Variants in HDAC3 observed in about 807,000 individuals in gnomAD.
The protein encoded by HDAC3 is histone deacetylase 3.
Under a neutral mutation model 62.3 loss-of-function variants are expected in HDAC3, and 21 were observed. That is an observed-to-expected ratio of 0.34 (90% confidence interval 0.24 to 0.49). HDAC3 has a LOEUF of 0.49. Among genes scored for constraint, HDAC3 ranks in the 20% least tolerant of loss-of-function variants. The probability of loss-of-function intolerance (pLI) is 0.99; values close to 1 mark genes in which losing one functional copy is unlikely to be tolerated. For missense variants in HDAC3, 270 were observed against 556.9 expected (o/e 0.48, Z 5.19); for synonymous variants, 198 against 206.5 (o/e 0.96, Z 0.35).
Position 141,626,345 on chromosome 5 carries a change from T to A in HDAC3, c.831-62A>T. 19 of 1,218,732 alleles carry A rather than the reference T, an allele frequency of 1.6e-5. No individual in the cohort carries two copies. The highest frequency in any genetic ancestry group is 2.2e-5 in the Non-Finnish European group (18 of 827,136). 75.5% of individuals were successfully genotyped at this position (1,218,732 alleles called of 1,614,324 possible). On this transcript the variant is annotated intron_variant, in intron 10 of 14. Transcript: ENST00000305264. The surrounding 1 kb of genome is among the most constrained non-coding windows in gnomAD (Gnocchi z 4.6). Reference sequence around the variant, plus strand: ...TATCAAAAGACAAGGTAAATACCTTTAGGTATTGCCTGAAAGGAGCACAAG... The same window carrying A: ...TATCAAAAGACAAGGTAAATACCTTAAGGTATTGCCTGAAAGGAGCACAAG...
intron 14 of HDAC3, among the ~76,000 whole-genome samples, chr5:141,623,633 A>T (rs1442264339): frequency 4.6e-5 from 7 of 152,194 alleles, no homozygotes; most frequent in Non-Finnish European, 7.3e-5. Flanking sequence ...CTCAGAAGGG[A>T]TCGGGGGATA....
chr5:141,622,984 C>A (rs1010886490), intron 14 of HDAC3, among the ~76,000 whole-genome samples: 1 of 151,748 alleles, frequency 6.6e-6, no homozygotes, highest in African/African-American at 2.4e-5. Flanking sequence ...ATTAGCCAGG[C>A]GTGGAGGCTC....
Position 141,626,600 on chromosome 5 carries a change from G to A in HDAC3, c.831-317C>T, listed in dbSNP as rs191979249. On this transcript the variant is annotated intron_variant, in intron 10 of 14. Transcript: ENST00000305264. The surrounding 1 kb of genome is among the most constrained non-coding windows in gnomAD (Gnocchi z 4.6). ...CTTGAAAATATAACTCACGCCCGGC[G>A]CGGTGCTCACGCCTTTGTAGTAGTC... is the stretch of plus-strand genomic sequence containing the variant. 25 of 347,938 alleles carry A rather than the reference G, an allele frequency of 7.2e-5. No homozygotes were observed. Among genetic ancestry groups the A allele is most frequent in the Admixed American group, 2.0e-4 (5 of 25,502 alleles). The allele number at this position is 347,938 out of a possible 1,614,324, so 21.6% of individuals were successfully genotyped here.
intron 2 of HDAC3, 34 bp from the exon 3 acceptor site, chr5:141,634,987 G>C: frequency 6.2e-7 from 1 of 1,608,536 alleles, no homozygotes; most frequent in South Asian, 1.1e-5. Flanking sequence ...ACCCAGGCAG[G>C]GTCAGCCCCA....
In HDAC3 at chr5:141,632,810, A is replaced by G. The variant is rs549989550; in HGVS notation, c.281+2001T>C. Among the ~76,000 whole-genome samples the G allele has an allele frequency of 2.0e-4, 30 of 152,358 alleles. No individual in the cohort carries two copies. In the South Asian group the frequency reaches 6.0e-3, roughly 31 times the overall value. Reference sequence around the variant, plus strand: ...TTGAATAGAGAACTAAGGGCATTCCAGGAAGGCATCCTGTGCAGCTGAGGT... The same window carrying G: ...TTGAATAGAGAACTAAGGGCATTCCGGGAAGGCATCCTGTGCAGCTGAGGT... On this transcript the variant is annotated intron_variant, in intron 3 of 14. Coordinates refer to ENST00000305264, the MANE Select transcript of HDAC3 (RefSeq NM_003883.4).
At chr5:141,634,468 T>A (rs2099905689) in intron 3 of HDAC3, among the ~76,000 whole-genome samples, 1 of 152,114 alleles carries the variant, frequency 6.6e-6, no homozygotes, top group Admixed American at 6.5e-5. Context: ...CTCAGCTCAA[T>A]CTTTACTTCC....
At position 141,628,554 on chromosome 5, in the gene HDAC3, C is replaced by A. The variant is rs781308877; in HGVS notation, c.691+5G>T. 6.2e-7 allele frequency: 1 copy of A among 1,611,382 alleles called. No homozygotes were observed. The highest frequency in any genetic ancestry group is 8.5e-7 in the Non-Finnish European group (1 of 1,177,600). On this transcript the variant is annotated splice_donor_5th_base_variant and intron_variant, in intron 8 of 14. Coordinates refer to ENST00000305264, the MANE Select transcript of HDAC3 (RefSeq NM_003883.4). This position sits in a 1 kb window ranked among gnomAD's most constrained non-coding sequence, Gnocchi z 4.7. ...AGGGAACAGAGGGAAGACTTCGGTA[C>A]TTACTCTGGTCATCAATGCCATCCC...
intron 3 of HDAC3, among the ~76,000 whole-genome samples, chr5:141,634,137 G>A (rs138578880): frequency 5.0e-4 from 76 of 152,110 alleles, no homozygotes; most frequent in African/African-American, 1.6e-3. Context: ...CCACTCCTTC[G>A]TTGTTTTTTT....
In HDAC3 at chr5:141,636,827, C is replaced by A. The variant is rs749328327; in HGVS notation, c.-37G>T. 7.5e-6 allele frequency: 11 copies of A among 1,474,594 alleles called. No individual in the cohort carries two copies. In the South Asian group the frequency reaches 8.8e-5, roughly 12 times the overall value. 91.3% of individuals were successfully genotyped at this position (1,474,594 alleles called of 1,614,324 possible). ...GAGCAGGCCCCGCACCTCCGCCGCC[C>A]GCCGCCCGCGGCCGCCGCCAGCCCC... is the stretch of plus-strand genomic sequence containing the variant. On this transcript the variant is annotated 5_prime_UTR_variant, in exon 1 of 15. Transcript: ENST00000305264.
In HDAC3 at chr5:141,629,638, A is replaced by T. The variant is rs780377784; in HGVS notation, c.476+46T>A. 13 of 1,592,636 alleles carry T rather than the reference A, an allele frequency of 8.2e-6. No homozygotes were observed. In the South Asian group the frequency reaches 1.4e-4, roughly 18 times the overall value. On this transcript the variant is annotated intron_variant, in intron 6 of 14. Transcript: ENST00000305264. The surrounding 1 kb of genome is among the most constrained non-coding windows in gnomAD (Gnocchi z 5.3). Reference sequence around the variant, plus strand: ...AGGGTTGAGACTGAGAGACCTCCTCAGCCAAGAATCCCGTAACTGCCCCCA... The same window carrying T: ...AGGGTTGAGACTGAGAGACCTCCTCTGCCAAGAATCCCGTAACTGCCCCCA...
At chr5:141,622,601 C>CAA (rs113207854) in intron 14 of HDAC3, among the ~76,000 whole-genome samples, 40 of 129,032 alleles carry the variant, frequency 3.1e-4, no homozygotes, top group Non-Finnish European at 5.0e-4. Context: ...GACTCCATCT[C>CAA]AAAAAAAAAA....
At position 141,634,903 on chromosome 5, in the gene HDAC3, G is replaced by A. The variant is rs141667982; in HGVS notation, c.189C>T (p.Ser63=). The part of the protein sequence containing the change: ...ASQHDMCRFH[S]EDYIDFLQRV... Reference sequence around the variant, plus strand: ...TCTGCAGGAAGTCAATGTAGTCCTCGGAGTGGAAGCGGCACATGTCATGTT... The same window carrying A: ...TCTGCAGGAAGTCAATGTAGTCCTCAGAGTGGAAGCGGCACATGTCATGTT... The change falls in exon 3 of 15, where the codon TCC becomes TCT. Residue 63 remains serine (S), a synonymous_variant. Transcript: ENST00000305264. 5.3e-5 allele frequency: 86 copies of A among 1,614,052 alleles called. No individual in the cohort carries two copies. The African/African-American group carries it at 8.5e-4, about 16-fold the overall frequency.
In HDAC3 at chr5:141,625,617, C is replaced by T. The variant is rs1481617465; in HGVS notation, c.1059+68G>A. The T allele has an allele frequency of 1.4e-6, 2 of 1,478,308 alleles. No homozygotes were observed. The highest frequency in any genetic ancestry group is 1.1e-5 in the South Asian group (1 of 88,162). The allele number at this position is 1,478,308 out of a possible 1,614,324, so 91.6% of individuals were successfully genotyped here. A position where few individuals can be genotyped will look rare whatever the true frequency, so the allele number is the denominator to read the frequency against. On this transcript the variant is annotated intron_variant, in intron 13 of 14. Transcript: ENST00000305264. The surrounding 1 kb of genome is among the most constrained non-coding windows in gnomAD (Gnocchi z 4.0). ...TCTCTTTGGTTTTTCCTACTTCCCA[C>T]ATCTTTGACCTCTCCTGGGCTCCAC...
chr5:141,624,901 G>A (rs2099904245), intron 14 of HDAC3: 1 of 290,860 alleles, frequency 3.4e-6, no homozygotes, highest in Non-Finnish European at 6.4e-6. Context: ...ATACAGAATA[G>A]TATATTTGCA....
At chr5:141,624,622 C>T (rs1002363046) in intron 14 of HDAC3, among the ~76,000 whole-genome samples, 15 of 150,760 alleles carry the variant, frequency 9.9e-5, no homozygotes, top group Non-Finnish European at 2.1e-4. Flanking sequence ...ATTCTACTAT[C>T]TAACCCACTC....
chr5:141,628,500 G>A lies in HDAC3; in HGVS notation c.691+59C>T. 7.3e-7 allele frequency: 1 copy of A among 1,367,430 alleles called. No individual in the cohort carries two copies. The highest frequency in any genetic ancestry group is 1.2e-5 in the South Asian group (1 of 86,016). 84.7% of individuals were successfully genotyped at this position (1,367,430 alleles called of 1,614,324 possible). On this transcript the variant is annotated intron_variant, in intron 8 of 14. Transcript: ENST00000305264. The surrounding 1 kb of genome is among the most constrained non-coding windows in gnomAD (Gnocchi z 4.7). ...CAGCAGACAATACCAGGCAGAAGAG[G>A]TTATTTCAAGGAGAAAAAGAAGGGG... is the stretch of plus-strand genomic sequence containing the variant.
At position 141,626,088 on chromosome 5, in the gene HDAC3, G is replaced by A; in HGVS notation, c.921-17C>T. On this transcript the variant is annotated splice_polypyrimidine_tract_variant and intron_variant, in intron 11 of 14. Transcript: ENST00000305264. The surrounding 1 kb of genome is among the most constrained non-coding windows in gnomAD (Gnocchi z 4.6). ...TCATATGTCCTGAAACCAACCAGCA[G>A]AGGGGAGCAGGCTGACCAAGTGGGC... 1.2e-6 allele frequency: 2 copies of A among 1,613,808 alleles called. No homozygotes were observed. Among genetic ancestry groups the A allele is most frequent in the Non-Finnish European group, 1.7e-6 (2 of 1,179,690 alleles).
chr5:141,631,519 T>C (rs1037614162), intron 3 of HDAC3, among the ~76,000 whole-genome samples: 1 of 152,190 alleles, frequency 6.6e-6, no homozygotes, highest in Admixed American at 6.5e-5. Context: ...TAAATTACTA[T>C]GAAGCTGAAA....
intron 3 of HDAC3, among the ~76,000 whole-genome samples, chr5:141,633,348 T>C (rs954135100): frequency 6.6e-6 from 1 of 152,246 alleles, no homozygotes; most frequent in Non-Finnish European, 1.5e-5. Context: ...ATTTGAATAT[T>C]GATCCCATAT....
Sources: gnomAD v4.1 joint callset for allele counts (sites outside exome capture counted in the v4.1 genomes callset) on GRCh38, gnomAD v4.1.1 for gene constraint, Gnocchi (gnomAD v3.1) non-coding constraint, MANE v1.5 for transcripts, NCBI Gene and HGNC (gene_info 2026-07-23, HGNC 2026-07-21) for gene names.